The following IL1A variants were observed in gnomAD, a reference collection of about 807,000 sequenced individuals.
The protein encoded by IL1A is interleukin 1 alpha.
Under a neutral mutation model 22.2 loss-of-function variants are expected in IL1A, and 16 were observed. The ratio of observed to expected loss-of-function variants is 0.72; its 90% CI spans 0.49 to 1.09. The LOEUF (loss-of-function observed/expected upper bound fraction) is 1.09, where lower values mean the gene tolerates loss of function less well. IL1A is among the 50% of genes least tolerant of loss of function. IL1A has a pLI of 0.00. For missense variants in IL1A, 317 were observed against 321.8 expected (o/e 0.99, Z 0.11); for synonymous variants, 113 against 118.5 (o/e 0.95, Z 0.30).
Position 112,779,482 on chromosome 2 carries a change from C to T in IL1A, c.490+14G>A. On this transcript the variant is annotated intron_variant, in intron 5 of 6. Coordinates refer to ENST00000263339, the MANE Select transcript of IL1A (RefSeq NM_000575.5). ...GGGAGGATGACAGAAATGTCTGGTG[C>T]CATTTTAATGTACCTGCTTCATCCA... The T allele has an allele frequency of 1.3e-5, 20 of 1,536,106 alleles. No individual in the cohort carries two copies. The highest frequency in any genetic ancestry group is 1.8e-5 in the Non-Finnish European group (20 of 1,123,708).
At chr2:112,781,978 C>T (rs1346066795) in intron 3 of IL1A, 152 bp from the exon 4 acceptor site, 1 of 609,466 alleles carries the variant, frequency 1.6e-6, no homozygotes, top group African/African-American at 1.8e-5. Flanking sequence ...TCCCTCTCTC[C>T]CTTTTGTCTC....
At chr2:112,778,921 G>A (rs961689056) in intron 5 of IL1A, among the ~76,000 whole-genome samples, 1 of 152,158 alleles carries the variant, frequency 6.6e-6, no homozygotes, top group African/African-American at 2.4e-5. Context: ...TTGAAAATAT[G>A]TATACTGTTG....
At chr2:112,781,034 AAAT>A (rs990109580) in intron 4 of IL1A, among the ~76,000 whole-genome samples, 1 of 151,978 alleles carries the variant, frequency 6.6e-6, no homozygotes, top group African/African-American at 2.4e-5. Flanking sequence ...AAATAAAATA[AAAT>A]AATAATAATA....
Position 112,774,981 on chromosome 2 carries a change from C to CT in IL1A, c.*85dup. 1.9e-6 allele frequency: 2 copies of CT among 1,031,810 alleles called. No individual in the cohort carries two copies. The highest frequency in any genetic ancestry group is 2.7e-5 in the South Asian group (2 of 72,736). 63.9% of individuals were successfully genotyped at this position (1,031,810 alleles called of 1,614,324 possible). ...GGCTCAGTACATGCTCAGCAAATGA[C>CT]TAACAGTAAAGGATTTAGCTTCTTC... On this transcript the variant is annotated 3_prime_UTR_variant, in exon 7 of 7. Coordinates refer to ENST00000263339, the MANE Select transcript of IL1A (RefSeq NM_000575.5).
rs1403023466 is a variant in IL1A, at chr2:112,781,541, A to T, written c.319+63T>A. 7.0e-6 allele frequency: 9 copies of T among 1,292,818 alleles called. No homozygotes were observed. The African/African-American group carries it at 8.8e-5, about 13-fold the overall frequency. 80.1% of individuals were successfully genotyped at this position (1,292,818 alleles called of 1,614,324 possible). ...GACTCCACGTTTAATTTTCCCCTAA[A>T]TTCTACTGTCCCTACTTGCTTAAAA... On this transcript the variant is annotated intron_variant, in intron 4 of 6. Coordinates refer to ENST00000263339, the MANE Select transcript of IL1A (RefSeq NM_000575.5).
chr2:112,777,836 C>G lies in IL1A; in HGVS notation c.615+151G>C, dbSNP rs3783586. 1.6e-3 allele frequency: 1,181 copies of G among 717,622 alleles called. 6 individuals are homozygous for G. In the African/African-American group the frequency reaches 0.019, roughly 12 times the overall value. The allele number at this position is 717,622 out of a possible 1,614,324, so 44.5% of individuals were successfully genotyped here. On this transcript the variant is annotated intron_variant, in intron 6 of 6. Coordinates refer to ENST00000263339, the MANE Select transcript of IL1A (RefSeq NM_000575.5). The stretch of plus-strand genomic sequence containing the variant: ...TCATAGAGCCTGCCTAGGCACGCCT[C>G]TGGAATCAATGGGAGTGGGGTGGGC...
At position 112,774,461 on chromosome 2, in the gene IL1A, A is replaced by G. The variant is rs1318453886; in HGVS notation, c.*606T>C. On this transcript the variant is annotated 3_prime_UTR_variant, in exon 7 of 7. Coordinates refer to ENST00000263339, the MANE Select transcript of IL1A (RefSeq NM_000575.5). The stretch of plus-strand genomic sequence containing the variant: ...TAAATACATATATAAATAATAATTA[A>G]AAAATAACATTTCGTGCTTTGCCTT... The G allele has an allele frequency of 1.3e-5, 2 of 151,084 alleles. No individual in the cohort carries two copies. The highest frequency in any genetic ancestry group is 4.8e-5 in the African/African-American group (2 of 41,304). The allele number at this position is 151,084 out of a possible 1,614,324, so 9.4% of individuals were successfully genotyped here.
intron 5 of IL1A, among the ~76,000 whole-genome samples, chr2:112,779,288 C>G (rs1681153086): frequency 6.6e-6 from 1 of 152,176 alleles, no homozygotes; most frequent in Non-Finnish European, 1.5e-5. Context: ...GGAAACTTCT[C>G]TCTTGTGGAA....
chr2:112,784,090 T>C (rs1681260093), intron 1 of IL1A, among the ~76,000 whole-genome samples: 1 of 152,150 alleles, frequency 6.6e-6, no homozygotes, highest in South Asian at 2.1e-4. Flanking sequence ...AAGAATAAGG[T>C]ATTTGCCTTA....
chr2:112,774,519 C>T lies in IL1A; in HGVS notation c.*548G>A, dbSNP rs1053434049. 6.6e-6 allele frequency: 1 copy of T among 151,872 alleles called. No homozygotes were observed. Among genetic ancestry groups the T allele is most frequent in the African/African-American group, 2.4e-5 (1 of 41,354 alleles). 9.4% of individuals were successfully genotyped at this position (151,872 alleles called of 1,614,324 possible). On this transcript the variant is annotated 3_prime_UTR_variant, in exon 7 of 7. Coordinates refer to ENST00000263339, the MANE Select transcript of IL1A (RefSeq NM_000575.5). ...AGGCTCGGCTTCAAGAAGTATTTTA[C>T]CAAAATGACCTCCCTGATTAGCATA...
At chr2:112,781,238 T>C (rs1248580871) in intron 4 of IL1A, among the ~76,000 whole-genome samples, 1 of 152,034 alleles carries the variant, frequency 6.6e-6, no homozygotes, top group East Asian at 1.9e-4. Flanking sequence ...TTATCTCCAT[T>C]TTACAGTAGA....
intron 3 of IL1A, 29 bp from the exon 4 acceptor site, chr2:112,781,855 G>A (rs1455089920): frequency 6.7e-7 from 1 of 1,495,570 alleles, no homozygotes; most frequent in South Asian, 1.1e-5. Flanking sequence ...GAAGCTGAGA[G>A]GCTGTTCATG....
Position 112,774,979 on chromosome 2 carries a change from G to C in IL1A, c.*88C>G, listed in dbSNP as rs1681075811. 3.0e-6 allele frequency: 3 copies of C among 1,001,138 alleles called. No individual in the cohort carries two copies. The highest frequency in any genetic ancestry group is 4.7e-6 in the Non-Finnish European group (3 of 644,226). The allele number at this position is 1,001,138 out of a possible 1,614,324, so 62.0% of individuals were successfully genotyped here. On this transcript the variant is annotated 3_prime_UTR_variant, in exon 7 of 7. Transcript: ENST00000263339. ...AAGGCTCAGTACATGCTCAGCAAAT[G>C]ACTAACAGTAAAGGATTTAGCTTCT...
intron 4 of IL1A, among the ~76,000 whole-genome samples, chr2:112,779,915 T>C (rs1681165807): frequency 6.6e-6 from 1 of 152,244 alleles, no homozygotes; most frequent in Non-Finnish European, 1.5e-5. Context: ...TTTTAGAGAC[T>C]ATTTGTGCAA....
intron 6 of IL1A, among the ~76,000 whole-genome samples, chr2:112,777,289 C>A (rs1448312269): frequency 2.0e-5 from 3 of 152,190 alleles, no homozygotes; most frequent in Admixed American, 2.0e-4. Flanking sequence ...TGAATGAGTT[C>A]ATGAATGAAG....
rs763323050 is a variant in IL1A at position 112,782,701 on chromosome 2, C to G, written c.96+15G>C. 1.3e-6 allele frequency: 2 copies of G among 1,573,424 alleles called. No homozygotes were observed. The highest frequency in any genetic ancestry group is 2.2e-5 in the East Asian group (1 of 44,666). ...AAGAATAGCAGTCCCATGAGAATTA[C>G]AGTCATTTGCTTACCTGATTCAGAG... On this transcript the variant is annotated intron_variant, in intron 3 of 6. Coordinates refer to ENST00000263339, the MANE Select transcript of IL1A (RefSeq NM_000575.5).
chr2:112,780,997 G>C (rs1472265483), intron 4 of IL1A, among the ~76,000 whole-genome samples: 1 of 151,852 alleles, frequency 6.6e-6, no homozygotes, highest in Non-Finnish European at 1.5e-5. Context: ...TCCAGCCTGG[G>C]TGACAGAGCC....
chr2:112,775,179 G>A lies in IL1A; in HGVS notation c.704C>T (p.Thr235Ile), dbSNP rs1681079198. Residue 235 changes from threonine (T) to isoleucine (I), a missense_variant, in exon 7 of 7, where the codon ACA becomes ATA. Coordinates refer to ENST00000263339, the MANE Select transcript of IL1A (RefSeq NM_000575.5). ...WETHGTKNYF[T>I]SVAHPNLFIA... ...AAACAAGTTTGGATGGGCAACTGAT[G>A]TGAAATAGTTCTTAGTGCCGTGAGT... The A allele has an allele frequency of 1.2e-6, 2 of 1,614,210 alleles. No homozygotes were observed. Among genetic ancestry groups the A allele is most frequent in the Non-Finnish European group, 1.7e-6 (2 of 1,180,006 alleles).
intron 6 of IL1A, among the ~76,000 whole-genome samples, chr2:112,776,231 C>T (rs909579851): frequency 6.6e-6 from 1 of 152,186 alleles, no homozygotes; most frequent in Non-Finnish European, 1.5e-5. Flanking sequence ...CAGGCCATTG[C>T]ACTGTGTGAA....
Sources: gnomAD v4.1 joint callset for allele counts (sites outside exome capture counted in the v4.1 genomes callset) on GRCh38, gnomAD v4.1.1 for gene constraint, MANE v1.5 for transcripts, NCBI Gene and HGNC (gene_info 2026-07-23, HGNC 2026-07-21) for gene names.